The following ETNK1 variants were observed in gnomAD, a reference collection of about 807,000 sequenced individuals.
ETNK1 encodes ethanolamine kinase 1, also known as putative protein product of Nbla10396.
ETNK1 carries 8 observed loss-of-function variants against 45.1 expected under a neutral mutation model. The observed-to-expected ratio is 0.18, with a 90% CI of 0.10 to 0.32. ETNK1 has a LOEUF of 0.32. Ranked by LOEUF, ETNK1 falls within the 10% of genes least tolerant of loss-of-function variation. The pLI is 1.00. For missense variants in ETNK1, 302 were observed against 430.6 expected (o/e 0.70, Z 2.64); for synonymous variants, 152 against 151.9 (o/e 1.00, Z -0.01).
At chr12:22,627,146 A>AATT (rs1422206735) in intron 1 of ETNK1, among the ~76,000 whole-genome samples, 9 of 138,678 alleles carry the variant, frequency 6.5e-5, no homozygotes, top group African/African-American at 2.4e-4. Flanking sequence ...GGGTTAGTTA[A>AATT]ATTATTTTTT....
chr12:22,629,607 T>G (rs1384570559), intron 1 of ETNK1, among the ~76,000 whole-genome samples: 6 of 152,204 alleles, frequency 3.9e-5, no homozygotes, highest in African/African-American at 1.4e-4. Context: ...TGTTAAGTTA[T>G]GTCTCCACTA....
chr12:22,638,468 T>C (rs1953684227), intron 1 of ETNK1: 1 of 152,230 alleles, frequency 6.6e-6, no homozygotes, highest in South Asian at 2.1e-4. Flanking sequence ...ACCAGGCTGG[T>C]CTCGAACTCC....
At chr12:22,628,360 A>G (rs1419881208) in intron 1 of ETNK1, among the ~76,000 whole-genome samples, 1 of 152,110 alleles carries the variant, frequency 6.6e-6, no homozygotes, top group Non-Finnish European at 1.5e-5. Flanking sequence ...TTAATTTCTT[A>G]AAAGCTTTGG....
At chr12:22,627,093 CTTTGATGTA>C (rs1592107302) in intron 1 of ETNK1, among the ~76,000 whole-genome samples, 2 of 151,968 alleles carry the variant, frequency 1.3e-5, no homozygotes, top group East Asian at 3.9e-4. Flanking sequence ...CTGGAATTTC[CTTTGATGTA>C]TTTGTCTGTA....
chr12:22,635,215 G>T lies in ETNK1; in HGVS notation c.157-8548G>T, dbSNP rs1002070569. Among the ~76,000 whole-genome samples, 3 of 152,316 alleles carry T rather than the reference G, an allele frequency of 2.0e-5. No homozygotes were observed. In the East Asian group the frequency reaches 5.8e-4, roughly 29 times the overall value. On this transcript the variant is annotated intron_variant, in intron 1 of 7. Transcript: ENST00000266517. ...TATTTTTCCCTGTTTTACACTCAGT[G>T]TGTCCTCCTTTGCTCTGCTTCAGTA...
intron 1 of ETNK1, among the ~76,000 whole-genome samples, chr12:22,643,353 C>G (rs560516309): frequency 1.3e-5 from 2 of 152,084 alleles, no homozygotes; most frequent in East Asian, 3.9e-4. Flanking sequence ...ACTTTCCAAT[C>G]TGTTGGACAT....
At chr12:22,661,298 C>T (rs764510405) in intron 4 of ETNK1, 93 bp downstream of exon 4, 49 of 1,128,624 alleles carry the variant, frequency 4.3e-5, no homozygotes, top group Non-Finnish European at 5.4e-5. Flanking sequence ...AATTCAAATG[C>T]AAGGAGTAAG....
chr12:22,657,763 G>T (rs1953959775), intron 2 of ETNK1, among the ~76,000 whole-genome samples: 1 of 152,170 alleles, frequency 6.6e-6, no homozygotes, highest in Non-Finnish European at 1.5e-5. Flanking sequence ...CTACTGAAGT[G>T]AGTGATGCAG....
At chr12:22,683,016 T>C (rs939632199) in intron 6 of ETNK1, among the ~76,000 whole-genome samples, 3 of 152,216 alleles carry the variant, frequency 2.0e-5, no homozygotes, top group Non-Finnish European at 2.9e-5. Flanking sequence ...TCTGGTTTCA[T>C]ATAGTAAGAA....
At chr12:22,626,745 A>G (rs1953504209) in intron 1 of ETNK1, among the ~76,000 whole-genome samples, 1 of 152,188 alleles carries the variant, frequency 6.6e-6, no homozygotes, top group African/African-American at 2.4e-5. Flanking sequence ...TGTTTTGGAG[A>G]AGAAACTTGT....
rs1592140076 is a variant in ETNK1, at chr12:22,685,984, T to C, written c.*1030T>C. 6.6e-6 allele frequency: 1 copy of C among 152,470 alleles called. No homozygotes were observed. Among genetic ancestry groups the C allele is most frequent in the Middle Eastern group, 3.4e-3 (1 of 294 alleles). The allele number at this position is 152,470 out of a possible 1,614,324, so 9.4% of individuals were successfully genotyped here. ...ATTTTAGTTTCATGTTTTAGTTTGA[T>C]TCTATGTTTTTAGACTGATAGCAAA... On this transcript the variant is annotated 3_prime_UTR_variant, in exon 8 of 8. Transcript: ENST00000266517.
intron 1 of ETNK1, among the ~76,000 whole-genome samples, chr12:22,643,370 G>GATTCCCTGTATGTGTAC (rs1024327555): frequency 2.0e-5 from 3 of 151,958 alleles, no homozygotes; most frequent in Non-Finnish European, 2.9e-5. Flanking sequence ...ACATAGGAGA[G>GATTCCCTGTATGTGTAC]ATTCCCTGTA....
intron 2 of ETNK1, among the ~76,000 whole-genome samples, chr12:22,657,596 A>G (rs574648973): frequency 2.8e-5 from 4 of 141,044 alleles, no homozygotes; most frequent in East Asian, 1.9e-4. Flanking sequence ...CCCAGGGGGA[A>G]AATTTTCCTA....
intron 4 of ETNK1, among the ~76,000 whole-genome samples, chr12:22,662,318 C>G (rs757518011): frequency 1.3e-5 from 2 of 149,284 alleles, no homozygotes; most frequent in African/African-American, 5.0e-5. Flanking sequence ...GAACTCCTGA[C>G]CCCAGGTGAT....
chr12:22,645,230 T>G (rs919893605), intron 2 of ETNK1, among the ~76,000 whole-genome samples: 1 of 151,766 alleles, frequency 6.6e-6, no homozygotes, highest in Non-Finnish European at 1.5e-5. Context: ...AATTAATAGA[T>G]GCATAGATTG....
intron 6 of ETNK1, 51 bp downstream of exon 6, chr12:22,673,711 T>C (rs1334820207): frequency 6.7e-7 from 1 of 1,490,792 alleles, no homozygotes; most frequent in Non-Finnish European, 9.1e-7. Flanking sequence ...TAATTGAAAA[T>C]GCTTCTAAAT....
chr12:22,687,927 G>A lies in ETNK1; in HGVS notation c.*2973G>A, dbSNP rs1190006037. The A allele has an allele frequency of 6.6e-6, 1 of 152,080 alleles. No homozygotes were observed. The highest frequency in any genetic ancestry group is 2.4e-5 in the African/African-American group (1 of 41,362). The allele number at this position is 152,080 out of a possible 1,614,324, so 9.4% of individuals were successfully genotyped here. A position where few individuals can be genotyped will look rare whatever the true frequency, so the allele number is the denominator to read the frequency against. On this transcript the variant is annotated 3_prime_UTR_variant, in exon 8 of 8. Coordinates refer to ENST00000266517, the MANE Select transcript of ETNK1 (RefSeq NM_018638.5). ...ACTGGAAATAGGGTTTGTCGGCTTTGGTTAATGTCAGTACTCATTTATTTA... is the reference window on the plus strand; with the variant it reads ...ACTGGAAATAGGGTTTGTCGGCTTTAGTTAATGTCAGTACTCATTTATTTA...
chr12:22,638,781 A>G (rs1019859601), intron 1 of ETNK1: 3 of 152,224 alleles, frequency 2.0e-5, no homozygotes, highest in African/African-American at 7.2e-5. Context: ...CCAAATTGAG[A>G]GAATAAAATA....
chr12:22,676,357 T>C (rs867268938), intron 6 of ETNK1, among the ~76,000 whole-genome samples: 4 of 152,248 alleles, frequency 2.6e-5, no homozygotes, highest in Middle Eastern at 3.4e-3. Flanking sequence ...TTGATGGCTG[T>C]TTAGTATTCC....
Sources: allele counts gnomAD v4.1 joint callset (sites outside exome capture counted in the v4.1 genomes callset), GRCh38; gene constraint gnomAD v4.1.1; transcripts MANE v1.5; gene names NCBI Gene and HGNC (gene_info 2026-07-23, HGNC 2026-07-21).